EEA1: variants seen among roughly 807,000 people sequenced by gnomAD.
EEA1 encodes the protein early endosome antigen 1, 162kD.
A neutral mutation model predicts 209.2 loss-of-function variants in EEA1; 111 were observed. The observed-to-expected ratio is 0.53, with a 90% confidence interval of 0.45 to 0.62. The LOEUF (loss-of-function observed/expected upper bound fraction) is 0.62. EEA1 is among the 20% of genes least tolerant of loss of function. The probability of loss-of-function intolerance (pLI) is 0.00; values close to 1 mark genes in which losing one functional copy is unlikely to be tolerated. For missense variants in EEA1, 1,343 were observed against 1,530.8 expected, an observed-to-expected ratio of 0.88 and a Z score of 2.05; for synonymous variants, 536 against 540.6, an observed-to-expected ratio of 0.99 and a Z score of 0.12.
intron 3 of EEA1, among the ~76,000 whole-genome samples, chr12:92,860,400 C>T (rs533165823): frequency 6.6e-6 from 1 of 152,304 alleles, no homozygotes; most frequent in South Asian, 2.1e-4. Context: ...GAGAAGTCAG[C>T]TTCCTTCAGA....
chr12:92,809,400 T>C (rs994612765), intron 17 of EEA1, among the ~76,000 whole-genome samples: 1 of 151,514 alleles, frequency 6.6e-6, no homozygotes, highest in Non-Finnish European at 1.5e-5. Flanking sequence ...TAAAATTAAT[T>C]CTGGGCTGGG....
intron 2 of EEA1, chr12:92,883,701 C>A: frequency 1.3e-6 from 1 of 790,234 alleles, no homozygotes; most frequent in Non-Finnish European, 2.1e-6. Flanking sequence ...GAGACACGTT[C>A]ATCAGCTTGT....
chr12:92,848,061 A>C (rs1426124633), intron 9 of EEA1, among the ~76,000 whole-genome samples: 2 of 151,778 alleles, frequency 1.3e-5, no homozygotes, highest in East Asian at 1.9e-4. Context: ...TATTTTATTA[A>C]AAATATAATG....
At chr12:92,843,610 AT>A (rs1052660125) in intron 9 of EEA1, among the ~76,000 whole-genome samples, 4 of 151,442 alleles carry the variant, frequency 2.6e-5, no homozygotes, top group Non-Finnish European at 4.4e-5. Flanking sequence ...AAGACGAAGT[AT>A]TTTTTTTTAA....
At position 92,858,388 on chromosome 12, in the gene EEA1, CT is replaced by C. The variant is rs1196912710; in HGVS notation, c.246-904del. 3 of 1,096,200 alleles carry C rather than the reference CT, an allele frequency of 2.7e-6. No individual in the cohort carries two copies. The African/African-American group carries it at 4.6e-5, about 17-fold the overall frequency. 67.9% of individuals were successfully genotyped at this position (1,096,200 alleles called of 1,614,324 possible). A position where few individuals can be genotyped will look rare whatever the true frequency, so the allele number is the denominator to read the frequency against. On this transcript the variant is annotated intron_variant, in intron 3 of 28. Transcript: ENST00000322349. ...TCTTCCAAAGGGTTTGACTACAAGA[CT>C]TGTAATGTGCTGGTAGCCTTGGAGC...
At chr12:92,787,421 T>C (rs1308585275) in intron 22 of EEA1, among the ~76,000 whole-genome samples, 1 of 152,162 alleles carries the variant, frequency 6.6e-6, no homozygotes, top group East Asian at 1.9e-4. Context: ...GGTAAGTTTA[T>C]TTTGAGCTAT....
chr12:92,794,776 A>C (rs1401615035), intron 21 of EEA1, among the ~76,000 whole-genome samples: 1 of 152,044 alleles, frequency 6.6e-6, no homozygotes, highest in Non-Finnish European at 1.5e-5. Flanking sequence ...GAAATACCTA[A>C]TGTAAATGAT....
At chr12:92,832,434 T>G (rs912372352) in intron 11 of EEA1, 78 bp downstream of exon 11, 11 of 1,356,258 alleles carry the variant, frequency 8.1e-6, no homozygotes, top group African/African-American at 5.8e-5. Context: ...ATGAACTATA[T>G]TATGATCAAA....
Position 92,832,642 on chromosome 12 carries a change from T to C in EEA1, c.1124A>G (p.Gln375Arg), listed in dbSNP as rs777626676. The C allele has an allele frequency of 6.2e-7, 1 of 1,614,082 alleles. No individual in the cohort carries two copies. The highest frequency in any genetic ancestry group is 8.5e-7 in the Non-Finnish European group (1 of 1,179,998). The change falls in exon 11 of 29, where the codon CAA (glutamine) becomes CGA (arginine). Residue 375 changes from glutamine to arginine, a missense_variant. Physicochemically the swap from Gln to Arg is conservative, Grantham distance 43 (BLOSUM62 1). Coordinates refer to ENST00000322349, the MANE Select transcript of EEA1 (RefSeq NM_003566.4). ...VELSEKGEAT[Q>R]KLKEELSEVE... ...CTCAGATAATTCTTCTTTGAGCTTTTGAGTAGCTTCTCCTTTTTCACTTAG... is the reference window on the plus strand; with the variant it reads ...CTCAGATAATTCTTCTTTGAGCTTTCGAGTAGCTTCTCCTTTTTCACTTAG...
At chr12:92,808,025 ATATACCATTTTATGG>A (rs1188542143) in intron 18 of EEA1, among the ~76,000 whole-genome samples, 13 of 152,218 alleles carry the variant, frequency 8.5e-5, no homozygotes, top group Admixed American at 8.5e-4. Flanking sequence ...TACATTAAAA[ATATACCATTTTATGG>A]TATATTAAAA....
At chr12:92,816,018 G>C (rs887852269) in intron 15 of EEA1, among the ~76,000 whole-genome samples, 182 bp downstream of exon 15, 4 of 151,796 alleles carry the variant, frequency 2.6e-5, no homozygotes, top group East Asian at 1.9e-4. Flanking sequence ...GAGACAGAGA[G>C]GGGGAGCAGG....
At chr12:92,814,425 C>A (rs1231727904) in intron 15 of EEA1, among the ~76,000 whole-genome samples, 1 of 152,106 alleles carries the variant, frequency 6.6e-6, no homozygotes, top group Non-Finnish European at 1.5e-5. Flanking sequence ...ATCTGAGGAA[C>A]CAAAAACTCA....
chr12:92,812,045 A>G (rs533437387), intron 16 of EEA1, among the ~76,000 whole-genome samples: 1 of 152,138 alleles, frequency 6.6e-6, no homozygotes, highest in Non-Finnish European at 1.5e-5. Context: ...AAATGGACCA[A>G]TAAAGCCAGG....
chr12:92,903,761 A>G (rs992461441), intron 1 of EEA1, among the ~76,000 whole-genome samples: 1 of 152,220 alleles, frequency 6.6e-6, no homozygotes, highest in Non-Finnish European at 1.5e-5. Context: ...CTTCAATTAC[A>G]TAAAAATACA....
intron 1 of EEA1, among the ~76,000 whole-genome samples, chr12:92,913,908 G>A (rs556309236): frequency 4.3e-4 from 65 of 152,174 alleles, no homozygotes; most frequent in African/African-American, 1.6e-3. Context: ...TGATCCGCCC[G>A]CCTAGGCCTC....
chr12:92,824,253 C>T (rs185776506), intron 13 of EEA1, among the ~76,000 whole-genome samples: 2 of 152,348 alleles, frequency 1.3e-5, no homozygotes, highest in East Asian at 1.9e-4. Context: ...TGACTTCTCA[C>T]TACCACTCTA....
chr12:92,783,217 T>C (rs1034530828), intron 22 of EEA1, among the ~76,000 whole-genome samples: 1 of 152,198 alleles, frequency 6.6e-6, no homozygotes. Context: ...GTCTTGGGGA[T>C]TGAGCCCCCA....
chr12:92,888,472 G>A (rs943917432), intron 2 of EEA1, among the ~76,000 whole-genome samples: 1 of 151,930 alleles, frequency 6.6e-6, no homozygotes, highest in African/African-American at 2.4e-5. Context: ...AGCTACTCGG[G>A]AGGCTGAGGC....
chr12:92,861,965 A>G (rs558224266), intron 3 of EEA1, among the ~76,000 whole-genome samples: 6 of 152,312 alleles, frequency 3.9e-5, no homozygotes, highest in African/African-American at 1.4e-4. Context: ...GATCTAGCCT[A>G]AAAAAGCTCA....
Sources: gnomAD v4.1 joint callset for allele counts (sites outside exome capture counted in the v4.1 genomes callset) on GRCh38, gnomAD v4.1.1 for gene constraint, MANE v1.5 for transcripts, NCBI Gene and HGNC (gene_info 2026-07-23, HGNC 2026-07-21) for gene names.